Variants in USP4 observed in about 807,000 individuals in gnomAD.
USP4 encodes ubiquitin carboxyl-terminal hydrolase 4.
Under a neutral mutation model 118.2 loss-of-function variants are expected in USP4, and 72 were observed. That is an observed-to-expected ratio of 0.61 (90% CI 0.50 to 0.74). The LOEUF (loss-of-function observed/expected upper bound fraction) is 0.74, where lower values mean the gene tolerates loss of function less well. USP4 is among the 30% of genes least tolerant of loss of function. The probability of loss-of-function intolerance (pLI) is 0.00; values close to 1 mark genes in which losing one functional copy is unlikely to be tolerated. For synonymous variants in USP4, 415 were observed against 440.4 expected (o/e 0.94, Z 0.72); for missense variants, 1,037 against 1,185.7 (o/e 0.87, Z 1.84).
intron 19 of USP4, among the ~76,000 whole-genome samples, chr3:49,283,218 G>A (rs1485053578): frequency 2.7e-5 from 4 of 149,966 alleles, no homozygotes; most frequent in Non-Finnish European, 5.9e-5. Context: ...GTTTCACCAT[G>A]TTGGCCAGGA....
chr3:49,297,933 A>T lies in USP4; in HGVS notation c.1628T>A (p.Phe543Tyr). Residue 543 changes from phenylalanine to tyrosine, a missense_variant, in exon 13 of 22, where the codon TTC becomes TAC. This residue lies in a region of USP4 where 522 missense variants were observed against 592.6 expected (regional missense o/e 0.88). Coordinates refer to ENST00000265560, the MANE Select transcript of USP4 (RefSeq NM_003363.4). ...MVVADVYNHR[F>Y]HKIFQMDEGL... is the part of the protein sequence containing the mutation. ...TTCATCCATTTGGAAAATTTTGTGGAATCGGTGATTATACACATCTGCGAC... is the reference window on the plus strand; with the variant it reads ...TTCATCCATTTGGAAAATTTTGTGGTATCGGTGATTATACACATCTGCGAC... 1 of 1,614,180 alleles carries T rather than the reference A, an allele frequency of 6.2e-7. No homozygotes were observed. The highest frequency in any genetic ancestry group is 8.5e-7 in the Non-Finnish European group (1 of 1,179,992).
At chr3:49,284,991 G>T in intron 16 of USP4, 72 bp from the exon 17 acceptor site, 3 of 1,209,178 alleles carry the variant, frequency 2.5e-6, no homozygotes, top group Non-Finnish European at 1.2e-6. Context: ...TGACAGGAGT[G>T]AGAAGGACCA....
intron 19 of USP4, among the ~76,000 whole-genome samples, chr3:49,282,297 C>T (rs950291603): frequency 6.6e-5 from 10 of 150,880 alleles, no homozygotes; most frequent in South Asian, 2.1e-4. Flanking sequence ...TTTTTTGAGA[C>T]GGAGTCTCGC....
chr3:49,308,469 G>A (rs1225643733), intron 8 of USP4, among the ~76,000 whole-genome samples: 2 of 151,904 alleles, frequency 1.3e-5, no homozygotes, highest in Non-Finnish European at 2.9e-5. Flanking sequence ...ACAGGCGCCC[G>A]CCACCATGCC....
At position 49,295,714 on chromosome 3, in the gene USP4, G is replaced by GCGCGCACACACACACACACACACA. The variant is rs149459963; in HGVS notation, c.1692-1117_1692-1116insTGTGTGTGTGTGTGTGTGTGCGCG. ...CATATGCACGTGTGCGCGCGCGCGC[G>GCGCGCACACACACACACACACACA]CACACACACACACACACACACCCCC... On this transcript the variant is annotated intron_variant, in intron 13 of 21. Transcript: ENST00000265560. Among the ~76,000 whole-genome samples the GCGCGCACACACACACACACACACA allele has an allele frequency of 6.4e-3, 944 of 148,132 alleles. 23 individuals carry two copies. Among genetic ancestry groups the GCGCGCACACACACACACACACACA allele is most frequent in the African/African-American group, 0.024 (900 of 38,208 alleles).
At chr3:49,318,628 G>T in intron 6 of USP4, 1 of 985,392 alleles carries the variant, frequency 1.0e-6, no homozygotes, top group Non-Finnish European at 1.2e-6. Context: ...TAAACAACCG[G>T]CCAGGTGTGG....
chr3:49,286,034 A>G, intron 16 of USP4, 64 bp downstream of exon 16: 1 of 1,494,340 alleles, frequency 6.7e-7, no homozygotes, highest in Non-Finnish European at 9.3e-7. Context: ...TGTCAAGTGT[A>G]AGGATTTTCA....
At chr3:49,302,274 G>A (rs954251109) in intron 10 of USP4, 110 bp downstream of exon 10, 2 of 1,275,858 alleles carry the variant, frequency 1.6e-6, no homozygotes, top group Admixed American at 2.4e-5. Context: ...ACAGTGAGAA[G>A]CAACCAGGGC....
chr3:49,284,671 G>A, intron 17 of USP4, 87 bp from the exon 18 acceptor site: 3 of 1,291,846 alleles, frequency 2.3e-6, no homozygotes, highest in Non-Finnish European at 3.3e-6. Flanking sequence ...CTCCCACCTG[G>A]AATGTAGTAC....
chr3:49,317,992 C>T (rs766164958), intron 6 of USP4, among the ~76,000 whole-genome samples: 35 of 151,704 alleles, frequency 2.3e-4, no homozygotes, highest in Non-Finnish European at 4.6e-4. Flanking sequence ...CACGCCACCA[C>T]GCCTGGCTAA....
At position 49,286,133 on chromosome 3, in the gene USP4, G is replaced by A. The variant is rs753912219; in HGVS notation, c.2165C>T (p.Ser722Leu). ...AAGTAGTTTTCCATCAGCTGCAAGT[G>A]AATTTATGTCAGCTGTTCCATAGGA... ...VNSYGTADIN[S>L]LAADGKLLKL... Residue 722 changes from serine to leucine, a missense_variant, in exon 16 of 22, where the codon TCA becomes TTA. Transcript: ENST00000265560. The A allele has an allele frequency of 1.9e-6, 3 of 1,614,194 alleles. No individual in the cohort carries two copies. The highest frequency in any genetic ancestry group is 1.7e-6 in the Non-Finnish European group (2 of 1,180,026).
In USP4 at chr3:49,325,910, T is replaced by C. The variant is rs1210720661; in HGVS notation, c.361-65A>G. 2.5e-6 allele frequency: 4 copies of C among 1,579,782 alleles called. No homozygotes were observed. The Admixed American group carries it at 5.2e-5, about 20-fold the overall frequency. ...CAGCTGGGCAGTCTTGGATGTAGCA[T>C]ATCTTATCAGAAGCAAAAAGCAGAA... On this transcript the variant is annotated intron_variant, in intron 3 of 21. Coordinates refer to ENST00000265560, the MANE Select transcript of USP4 (RefSeq NM_003363.4).
chr3:49,303,903 C>A (rs1331358490), intron 9 of USP4, among the ~76,000 whole-genome samples: 2 of 152,118 alleles, frequency 1.3e-5, no homozygotes, highest in Non-Finnish European at 2.9e-5. Flanking sequence ...CAGGCATATG[C>A]CACCACGCCT....
chr3:49,299,696 A>C (rs71324947), intron 11 of USP4, among the ~76,000 whole-genome samples: 1 of 152,094 alleles, frequency 6.6e-6, no homozygotes, highest in African/African-American at 2.4e-5. Context: ...CCGGCCCTCA[A>C]CTTTCTTTAG....
chr3:49,281,483 T>TAC (rs1202297223), intron 19 of USP4, among the ~76,000 whole-genome samples: 6 of 103,668 alleles, frequency 5.8e-5, no homozygotes, highest in East Asian at 4.8e-4. Flanking sequence ...TGTGTATATA[T>TAC]ATATATATAC....
At chr3:49,294,161 T>G (rs1032733444) in intron 14 of USP4, among the ~76,000 whole-genome samples, 1 of 152,108 alleles carries the variant, frequency 6.6e-6, no homozygotes, top group African/African-American at 2.4e-5. Context: ...AATTTTATAT[T>G]TTTAGTAGAG....
intron 6 of USP4, chr3:49,317,064 GC>G: frequency 1.7e-6 from 2 of 1,159,150 alleles, no homozygotes; most frequent in Non-Finnish European, 2.5e-6. Context: ...ACAGAGGCAG[GC>G]CCTGCCCATG....
chr3:49,312,830 A>T (rs1435615131), intron 6 of USP4: 1 of 153,222 alleles, frequency 6.5e-6, no homozygotes, highest in Non-Finnish European at 1.5e-5. Flanking sequence ...CACAAGGTTC[A>T]TCTTCAAGCA....
chr3:49,278,818 A>T lies in USP4; in HGVS notation c.2729T>A (p.Ile910Lys). The change falls in exon 21 of 22, where the codon ATA (isoleucine) becomes AAA (lysine). Residue 910 changes from isoleucine (I) to lysine (K), a missense_variant. Around this residue, in one of 3 missense-constraint regions of USP4, gnomAD observed 522 missense variants for 592.6 expected, o/e 0.88. Coordinates refer to ENST00000265560, the MANE Select transcript of USP4 (RefSeq NM_003363.4). ...CACATATCATGGCCTACTCACCACTATCTGATCCTCAGAGGCCAGGGACAC... is the reference window on the plus strand; with the variant it reads ...CACATATCATGGCCTACTCACCACTTTCTGATCCTCAGAGGCCAGGGACAC... ...SNVSLASEDQIVTKAAYVLFY... is the reference protein window; with the variant it reads ...SNVSLASEDQKVTKAAYVLFY... The T allele has an allele frequency of 6.2e-7, 1 of 1,607,246 alleles. No individual in the cohort carries two copies. The highest frequency in any genetic ancestry group is 1.7e-4 in the Middle Eastern group (1 of 6,032).
Sources: gnomAD v4.1 joint callset for allele counts (sites outside exome capture counted in the v4.1 genomes callset) on GRCh38, gnomAD v4.1.1 for gene constraint, gnomAD v4.1.1 regional missense constraint, MANE v1.5 for transcripts, NCBI Gene and HGNC (gene_info 2026-07-23, HGNC 2026-07-21) for gene names.